The following IMMP2L variants were observed in gnomAD, a reference collection of about 807,000 sequenced individuals.
IMMP2L encodes the protein inner mitochondrial membrane peptidase subunit 2.
Under a neutral mutation model 19.3 loss-of-function variants are expected in IMMP2L, and 18 were observed. The observed-to-expected ratio is 0.93, with a 90% CI of 0.64 to 1.38. The LOEUF is 1.38. Ranked by LOEUF, IMMP2L falls within the 40% of genes most tolerant of loss-of-function variation. The probability of loss-of-function intolerance (pLI) is 0.00; values close to 1 mark genes in which losing one functional copy is unlikely to be tolerated. For synonymous variants in IMMP2L, 76 were observed against 73.0 expected, an observed-to-expected ratio of 1.04 and a Z score of -0.21; for missense variants, 233 against 218.2, an observed-to-expected ratio of 1.07 and a Z score of -0.43.
chr7:111,299,591 G>T (rs970723590), intron 3 of IMMP2L, among the ~76,000 whole-genome samples: 1 of 118,436 alleles, frequency 8.4e-6, no homozygotes, highest in Non-Finnish European at 1.8e-5. Context: ...AAAAAAAAAA[G>T]AAATGCGTGA....
intron 3 of IMMP2L, chr7:111,124,517 A>G (rs1356739995): frequency 1.4e-5 from 22 of 1,613,792 alleles, no homozygotes; most frequent in Non-Finnish European, 1.9e-5. Flanking sequence ...AATCTTACTC[A>G]TCTGAATCCA....
At chr7:111,029,985 A>G (rs1827231165) in intron 3 of IMMP2L, among the ~76,000 whole-genome samples, 2 of 152,166 alleles carry the variant, frequency 1.3e-5, no homozygotes, top group South Asian at 4.1e-4. Flanking sequence ...GAGAATCACA[A>G]ATCATAGAAT....
At chr7:111,068,086 T>C (rs1794659188) in intron 3 of IMMP2L, among the ~76,000 whole-genome samples, 1 of 152,056 alleles carries the variant, frequency 6.6e-6, no homozygotes, top group Non-Finnish European at 1.5e-5. Context: ...CATTTTGCAC[T>C]GTAGATCAAT....
At chr7:110,700,453 T>G (rs1400215768) in intron 5 of IMMP2L, among the ~76,000 whole-genome samples, 1 of 152,208 alleles carries the variant, frequency 6.6e-6, no homozygotes, top group African/African-American at 2.4e-5. Context: ...TTCCAAATAT[T>G]CAGGCCGTAA....
chr7:111,290,507 A>ATT (rs1563017828), intron 3 of IMMP2L, among the ~76,000 whole-genome samples: 3,059 of 151,642 alleles, frequency 0.02, 97 homozygotes, highest in African/African-American at 0.069. Flanking sequence ...TTCTTTTTAA[A>ATT]AAAAAAAAAA....
At chr7:110,765,871 T>C (rs1798624593) in intron 5 of IMMP2L, among the ~76,000 whole-genome samples, 1 of 152,162 alleles carries the variant, frequency 6.6e-6, no homozygotes, top group Admixed American at 6.6e-5. Context: ...TTCCATTAGA[T>C]TTTTAAAAAC....
At chr7:110,767,971 G>A (rs1196643737) in intron 5 of IMMP2L, among the ~76,000 whole-genome samples, 1 of 152,170 alleles carries the variant, frequency 6.6e-6, no homozygotes, top group Non-Finnish European at 1.5e-5. Flanking sequence ...GCCAAGCACT[G>A]TTCCAGATGC....
chr7:110,929,408 C>T (rs891452427), intron 4 of IMMP2L, among the ~76,000 whole-genome samples: 8 of 152,136 alleles, frequency 5.3e-5, no homozygotes, highest in African/African-American at 1.9e-4. Context: ...AATAGAAACT[C>T]ATTATCCTTG....
intron 1 of IMMP2L, among the ~76,000 whole-genome samples, chr7:111,536,489 T>C (rs1167019193): frequency 6.6e-6 from 1 of 151,982 alleles, no homozygotes; most frequent in Non-Finnish European, 1.5e-5. Context: ...ATATTTTTTG[T>C]AGAGATGGAG....
chr7:111,348,951 C>T lies in IMMP2L; in HGVS notation c.239+138287G>A, dbSNP rs527540949. On this transcript the variant is annotated intron_variant, in intron 3 of 5. Transcript: ENST00000405709. ...AGAAATATTTTCTTCATCAAAAATCCTTTCAAGTATTTATTTCCTTCCCAA... is the reference window on the plus strand; with the variant it reads ...AGAAATATTTTCTTCATCAAAAATCTTTTCAAGTATTTATTTCCTTCCCAA... Among the ~76,000 whole-genome samples, 19 of 152,158 alleles carry T rather than the reference C, an allele frequency of 1.2e-4. No individual in the cohort carries two copies. The South Asian group carries it at 1.7e-3, about 13-fold the overall frequency.
rs547634193 is a variant in IMMP2L, at chr7:111,560,100, C to A, written c.-3+1751G>T. On this transcript the variant is annotated intron_variant, in intron 1 of 5. Transcript: ENST00000405709. ...ACATGTTTAACATATACTTAAGCTG[C>A]ATATTTAGTATGTGTATATATGGAA... is the stretch of plus-strand genomic sequence containing the variant. Among the ~76,000 whole-genome samples the A allele has an allele frequency of 4.6e-5, 7 of 152,212 alleles. No homozygotes were observed. In the East Asian group the frequency reaches 1.4e-3, roughly 29 times the overall value.
chr7:111,141,145 A>G (rs1249699106), intron 3 of IMMP2L, among the ~76,000 whole-genome samples: 3 of 152,150 alleles, frequency 2.0e-5, no homozygotes, highest in Non-Finnish European at 2.9e-5. Context: ...GGGGATGGAG[A>G]AAGCAAAAGA....
intron 3 of IMMP2L, among the ~76,000 whole-genome samples, chr7:111,025,630 C>A (rs1203642071): frequency 6.6e-6 from 1 of 152,122 alleles, no homozygotes; most frequent in Non-Finnish European, 1.5e-5. Flanking sequence ...ACCTGGCTTA[C>A]ACCTCTAATT....
chr7:111,421,422 A>G (rs1835533681), intron 3 of IMMP2L, among the ~76,000 whole-genome samples: 1 of 150,842 alleles, frequency 6.6e-6, no homozygotes, highest in Non-Finnish European at 1.5e-5. Context: ...GGCGCCCGCC[A>G]TCATGCCCGG....
intron 3 of IMMP2L, among the ~76,000 whole-genome samples, chr7:111,016,448 T>A (rs1157205387): frequency 7.4e-6 from 1 of 135,306 alleles, no homozygotes; most frequent in East Asian, 2.1e-4. Flanking sequence ...GATAATTATA[T>A]ATAATAAATA....
At chr7:110,833,310 G>A (rs1255752381) in intron 5 of IMMP2L, among the ~76,000 whole-genome samples, 3 of 151,720 alleles carry the variant, frequency 2.0e-5, no homozygotes, top group Non-Finnish European at 4.4e-5. Flanking sequence ...GTGGTGGTGG[G>A]TGCCTGTAAT....
intron 3 of IMMP2L, among the ~76,000 whole-genome samples, chr7:111,412,949 C>G (rs1015158254): frequency 6.6e-6 from 1 of 151,268 alleles, no homozygotes; most frequent in East Asian, 1.9e-4. Flanking sequence ...AAAACAAACC[C>G]AAAGCTGCTT....
chr7:111,119,970 G>C (rs1800389114), intron 3 of IMMP2L, among the ~76,000 whole-genome samples: 1 of 152,152 alleles, frequency 6.6e-6, no homozygotes, highest in South Asian at 2.1e-4. Context: ...ACTGAGGTTT[G>C]AAAAGACAGT....
chr7:110,811,326 T>C (rs1244459862), intron 5 of IMMP2L, among the ~76,000 whole-genome samples: 1 of 152,064 alleles, frequency 6.6e-6, no homozygotes, highest in Admixed American at 6.6e-5. Context: ...CCTTAGTGAC[T>C]CATAAAGAAG....
Sources: allele counts gnomAD v4.1 joint callset (sites outside exome capture counted in the v4.1 genomes callset), GRCh38; gene constraint gnomAD v4.1.1; transcripts MANE v1.5; gene names NCBI Gene and HGNC (gene_info 2026-07-23, HGNC 2026-07-21).